Variants in FRMD5 observed in about 807,000 individuals in gnomAD.
FRMD5 encodes FERM domain-containing protein 5.
A neutral mutation model predicts 69.0 loss-of-function variants in FRMD5; 20 were observed. The observed-to-expected ratio is 0.29, with a 90% CI of 0.20 to 0.42. FRMD5 has a LOEUF of 0.42. Among genes scored for constraint, FRMD5 ranks in the 10% least tolerant of loss-of-function variants. The probability of loss-of-function intolerance (pLI) is 1.00; values close to 1 mark genes in which losing one functional copy is unlikely to be tolerated. For synonymous variants in FRMD5, 271 were observed against 260.1 expected, an observed-to-expected ratio of 1.04 and a Z score of -0.40; for missense variants, 595 against 708.6, an observed-to-expected ratio of 0.84 and a Z score of 1.82.
chr15:44,082,460 T>C (rs998968433), intron 1 of FRMD5, among the ~76,000 whole-genome samples: 2 of 152,030 alleles, frequency 1.3e-5, no homozygotes, highest in African/African-American at 2.4e-5. Context: ...GGTGATTTTG[T>C]CCATAATTGA....
Position 43,974,142 on chromosome 15 carries a change from G to A in FRMD5, c.103-49833C>T, listed in dbSNP as rs535970725. The stretch of plus-strand genomic sequence containing the variant: ...TGGAACAGTTGGAATCAGCAGTAGG[G>A]TGCTATGAAAGCACACAAGATGGTC... On this transcript the variant is annotated intron_variant, in intron 1 of 13. Transcript: ENST00000417257. 2.6e-5 allele frequency among the ~76,000 whole-genome samples: 4 copies of A among 152,038 alleles called. No individual in the cohort carries two copies. In the South Asian group the frequency reaches 8.3e-4, roughly 32 times the overall value.
intron 1 of FRMD5, among the ~76,000 whole-genome samples, chr15:44,077,217 T>C (rs1401369591): frequency 7.2e-5 from 11 of 152,178 alleles, no homozygotes; most frequent in Non-Finnish European, 1.0e-4. Flanking sequence ...TTAATGTTCA[T>C]GTAAATCAAA....
At chr15:43,967,348 T>G (rs1329975557) in intron 1 of FRMD5, among the ~76,000 whole-genome samples, 1 of 152,042 alleles carries the variant, frequency 6.6e-6, no homozygotes, top group Non-Finnish European at 1.5e-5. Context: ...TACTTCTGCC[T>G]CAGCCTCCGG....
At position 43,872,925 on chromosome 15, in the gene FRMD5, A is replaced by G. The variant is rs2088199513; in HGVS notation, c.*960T>C. 4.3e-6 allele frequency: 2 copies of G among 466,606 alleles called. No homozygotes were observed. The highest frequency in any genetic ancestry group is 7.5e-5 in the Admixed American group (2 of 26,504). 28.9% of individuals were successfully genotyped at this position (466,606 alleles called of 1,614,324 possible). On this transcript the variant is annotated 3_prime_UTR_variant, in exon 14 of 14. Transcript: ENST00000417257. ...TTTGGGTCAAGGGGGTGTATATAAAATAAGCACTGCTATCCAAATCTCAAC... is the reference window on the plus strand; with the variant it reads ...TTTGGGTCAAGGGGGTGTATATAAAGTAAGCACTGCTATCCAAATCTCAAC...
At chr15:44,154,132 G>C (rs534553894) in intron 1 of FRMD5, among the ~76,000 whole-genome samples, 1 of 152,056 alleles carries the variant, frequency 6.6e-6, no homozygotes, top group Non-Finnish European at 1.5e-5. Flanking sequence ...GTCCAGCCTG[G>C]GCAACATGGC....
rs191367731 is a variant in FRMD5, at chr15:44,153,838, G to A, written c.102+41115C>T. Among the ~76,000 whole-genome samples the A allele has an allele frequency of 8.7e-4, 133 of 152,224 alleles. 2 individuals carry two copies. Among genetic ancestry groups the A allele is most frequent in the Non-Finnish European group, 2.6e-4 (18 of 68,016 alleles). ...CAGAAATTAGCCGGGCATAATGGCAGGTGCCTGCTATCCCAGCTACTCAGG... is the reference window on the plus strand; with the variant it reads ...CAGAAATTAGCCGGGCATAATGGCAAGTGCCTGCTATCCCAGCTACTCAGG... On this transcript the variant is annotated intron_variant, in intron 1 of 13. Coordinates refer to ENST00000417257, the MANE Select transcript of FRMD5 (RefSeq NM_032892.5).
chr15:44,024,868 A>G (rs1891361993), intron 1 of FRMD5, among the ~76,000 whole-genome samples: 1 of 152,234 alleles, frequency 6.6e-6, no homozygotes, highest in Non-Finnish European at 1.5e-5. Context: ...TACATTCAGT[A>G]AAAGTGAGTT....
chr15:44,181,155 T>A (rs1284179309), intron 1 of FRMD5, among the ~76,000 whole-genome samples: 1 of 152,090 alleles, frequency 6.6e-6, no homozygotes, highest in Non-Finnish European at 1.5e-5. Flanking sequence ...TTATTCCACC[T>A]TAGCCTCCCA....
In FRMD5 at chr15:43,892,048, A is replaced by G. The variant is rs777206178; in HGVS notation, c.661T>C (p.Phe221Leu). The G allele has an allele frequency of 1.2e-6, 2 of 1,614,190 alleles. No individual in the cohort carries two copies. The highest frequency in any genetic ancestry group is 3.3e-5 in the Admixed American group (2 of 60,032). The change falls in exon 8 of 14, where the codon TTT becomes CTT. Residue 221 changes from phenylalanine (F) to leucine (L), a missense_variant. Coordinates refer to ENST00000417257, the MANE Select transcript of FRMD5 (RefSeq NM_032892.5). ...PCKDVSGNAAFLAFTPFGFVV... is the reference protein window; with the variant it reads ...PCKDVSGNAALLAFTPFGFVV... ...AACCCAAAAGGAGTGAAGGCCAGAA[A>G]TGCAGCATTTCCTGACACGTCCTGC...
chr15:43,897,616 G>A (rs1340887905), intron 7 of FRMD5, among the ~76,000 whole-genome samples: 1 of 152,022 alleles, frequency 6.6e-6, no homozygotes, highest in African/African-American at 2.4e-5. Flanking sequence ...AGGGCAGAGG[G>A]ACAGTGTAAT....
At chr15:44,128,989 C>T (rs2706489) in intron 1 of FRMD5, among the ~76,000 whole-genome samples, 6 of 152,144 alleles carry the variant, frequency 3.9e-5, no homozygotes, top group African/African-American at 1.4e-4. Context: ...TAGTGGAGGT[C>T]TGAAGCTCTT....
At chr15:43,964,431 T>C (rs781107810) in intron 1 of FRMD5, among the ~76,000 whole-genome samples, 3 of 151,126 alleles carry the variant, frequency 2.0e-5, no homozygotes, top group Non-Finnish European at 2.9e-5. Flanking sequence ...CTTTGAGCCA[T>C]GATTGTGCCA....
At chr15:44,050,398 C>T (rs532135258) in intron 1 of FRMD5, among the ~76,000 whole-genome samples, 37 of 152,142 alleles carry the variant, frequency 2.4e-4, no homozygotes, top group Admixed American at 3.9e-4. Flanking sequence ...CTCACTCTGC[C>T]GGCCAGGCTG....
At position 43,873,839 on chromosome 15, in the gene FRMD5, G is replaced by A. The variant is rs1350032204; in HGVS notation, c.*46C>T. On this transcript the variant is annotated 3_prime_UTR_variant, in exon 14 of 14. Coordinates refer to ENST00000417257, the MANE Select transcript of FRMD5 (RefSeq NM_032892.5). ...TCCCATTGCTGGGAATGGGTAGCCG[G>A]GTTCCTTGGTCCACCTGGCTAGTTT... 1.2e-6 allele frequency: 2 copies of A among 1,602,874 alleles called. No homozygotes were observed. The highest frequency in any genetic ancestry group is 1.7e-6 in the Non-Finnish European group (2 of 1,173,582).
intron 1 of FRMD5, among the ~76,000 whole-genome samples, chr15:43,985,378 G>A (rs540200059): frequency 9.9e-5 from 15 of 151,690 alleles, no homozygotes; most frequent in Non-Finnish European, 2.1e-4. Context: ...AAGTCATCTG[G>A]CAACTCTGGA....
chr15:44,151,368 G>C (rs2077444379), intron 1 of FRMD5, among the ~76,000 whole-genome samples: 1 of 146,476 alleles, frequency 6.8e-6, no homozygotes, highest in African/African-American at 2.5e-5. Flanking sequence ...CTGCACTCCA[G>C]CCTAAGTGAC....
chr15:44,005,420 G>A (rs933730168), intron 1 of FRMD5, among the ~76,000 whole-genome samples: 4 of 132,856 alleles, frequency 3.0e-5, no homozygotes, highest in East Asian at 2.3e-4. Flanking sequence ...GCAGTGAGCC[G>A]AGATCACGCC....
intron 1 of FRMD5, among the ~76,000 whole-genome samples, chr15:43,932,384 A>G (rs2089690997): frequency 6.6e-6 from 1 of 152,180 alleles, no homozygotes; most frequent in Non-Finnish European, 1.5e-5. Context: ...TTCTTACCCA[A>G]GGCTATTTTT....
intron 1 of FRMD5, among the ~76,000 whole-genome samples, chr15:44,147,531 G>A (rs1437761928): frequency 1.3e-5 from 2 of 152,118 alleles, no homozygotes; most frequent in Admixed American, 6.5e-5. Context: ...GTAGTTTAAT[G>A]GGAATATCAT....
Sources: gnomAD v4.1 joint callset for allele counts (sites outside exome capture counted in the v4.1 genomes callset) on GRCh38, gnomAD v4.1.1 for gene constraint, MANE v1.5 for transcripts, NCBI Gene and HGNC (gene_info 2026-07-23, HGNC 2026-07-21) for gene names.